VAV2: variants seen among roughly 807,000 people sequenced by gnomAD.
VAV2 encodes guanine nucleotide exchange factor VAV2.
Under a neutral mutation model 132.5 loss-of-function variants are expected in VAV2, and 67 were observed. The ratio of observed to expected loss-of-function variants is 0.51; its 90% CI spans 0.42 to 0.62. The LOEUF (loss-of-function observed/expected upper bound fraction) is 0.62. VAV2 is among the 20% of genes least tolerant of loss of function. The pLI, the probability that VAV2 is intolerant of heterozygous loss-of-function variation, is 0.00. For missense variants in VAV2, 938 were observed against 1,153.6 expected (o/e 0.81, Z 2.71); for synonymous variants, 492 against 443.5 (o/e 1.11, Z -1.37).
rs149850329 is a variant in VAV2 at position 133,880,453 on chromosome 9, G to A, written c.322-19021C>T. Among the ~76,000 whole-genome samples the A allele has an allele frequency of 2.0e-3, 311 of 152,294 alleles. 1 individual carries two copies. The highest frequency in any genetic ancestry group is 0.015 in the East Asian group (79 of 5,176). Reference sequence around the variant, plus strand: ...AGGTCAGAAAAGGCTGGATCTGACCGATGGTTTTATAAAAGATGCCTTTTA... The same window carrying A: ...AGGTCAGAAAAGGCTGGATCTGACCAATGGTTTTATAAAAGATGCCTTTTA... On this transcript the variant is annotated intron_variant, in intron 2 of 29. Transcript: ENST00000371850.
intron 2 of VAV2, among the ~76,000 whole-genome samples, chr9:133,892,512 C>A (rs1839019401): frequency 1.3e-5 from 2 of 152,024 alleles, no homozygotes; most frequent in African/African-American, 4.8e-5. Context: ...CCAAGATCAT[C>A]CCAGGGGTCA....
intron 2 of VAV2, among the ~76,000 whole-genome samples, chr9:133,907,536 C>A (rs1156264186): frequency 6.6e-6 from 1 of 152,206 alleles, no homozygotes; most frequent in African/African-American, 2.4e-5. Flanking sequence ...AGCTCCTCGG[C>A]TGACTAACTT....
chr9:133,900,052 A>C (rs1377191993), intron 2 of VAV2, among the ~76,000 whole-genome samples: 1 of 150,712 alleles, frequency 6.6e-6, no homozygotes, highest in East Asian at 1.9e-4. Context: ...AAATAAAAAT[A>C]GCTGGGCATA....
chr9:133,931,420 C>A (rs532481497), intron 2 of VAV2, among the ~76,000 whole-genome samples: 107 of 152,026 alleles, frequency 7.0e-4, no homozygotes, highest in Admixed American at 2.7e-3. Flanking sequence ...CTCCTGCAGG[C>A]AGGGAGCACC....
At position 133,768,942 on chromosome 9, in the gene VAV2, TAGAC is replaced by T. The variant is rs1444512050; in HGVS notation, c.2435-350_2435-347del. 6.6e-6 allele frequency among the ~76,000 whole-genome samples: 1 copy of T among 152,082 alleles called. No homozygotes were observed. Among genetic ancestry groups the T allele is most frequent in the East Asian group, 1.9e-4 (1 of 5,186 alleles). ...GCTTGGCCCAGATGCAGAATCCTGA[TAGAC>T]AGGTGACAATGACCATGGCTGAGGG... On this transcript the variant is annotated intron_variant, in intron 28 of 29. Transcript: ENST00000371850. This position sits in a 1 kb window ranked among gnomAD's most constrained non-coding sequence, Gnocchi z 5.3.
chr9:133,987,317 T>C (rs1588231777), intron 1 of VAV2, among the ~76,000 whole-genome samples: 1 of 151,132 alleles, frequency 6.6e-6, no homozygotes, highest in East Asian at 1.9e-4. Context: ...AGTGGAGGAG[T>C]GAGATCGAGG....
chr9:133,796,353 AC>A (rs1834712062), intron 11 of VAV2, 75 bp downstream of exon 11: 1 of 1,290,576 alleles, frequency 7.7e-7, no homozygotes, highest in Non-Finnish European at 1.1e-6. Flanking sequence ...TGCAACCTAT[AC>A]CCCCTGGAAG....
At chr9:133,774,365 C>T (rs944078533) in intron 25 of VAV2, among the ~76,000 whole-genome samples, 2 of 152,182 alleles carry the variant, frequency 1.3e-5, no homozygotes, top group African/African-American at 4.8e-5. Context: ...TTCAGGTGGG[C>T]AATGTCCCAC....
intron 2 of VAV2, among the ~76,000 whole-genome samples, chr9:133,930,309 C>T (rs1840634915): frequency 6.7e-6 from 1 of 149,338 alleles, no homozygotes; most frequent in Admixed American, 6.7e-5. Flanking sequence ...TCCTCACTCC[C>T]TCCTGGCATC....
intron 1 of VAV2, among the ~76,000 whole-genome samples, chr9:133,956,479 T>G (rs1363613929): frequency 1.3e-5 from 2 of 152,064 alleles, no homozygotes; most frequent in Admixed American, 6.5e-5. Context: ...TTTCGTTTTG[T>G]TTTTTTTCCA....
chr9:133,815,677 C>G lies in VAV2; in HGVS notation c.450-3461G>C, dbSNP rs112497133. 2.4e-3 allele frequency among the ~76,000 whole-genome samples: 368 copies of G among 152,326 alleles called. 2 individuals are homozygous for G. The highest frequency in any genetic ancestry group is 4.0e-3 in the Non-Finnish European group (274 of 68,026). Reference sequence around the variant, plus strand: ...GAGTACTAATCCACGGCATGAACAACAACGTGCTACCCATCTTCCTTCTTT... The same window carrying G: ...GAGTACTAATCCACGGCATGAACAAGAACGTGCTACCCATCTTCCTTCTTT... On this transcript the variant is annotated intron_variant, in intron 4 of 29. Transcript: ENST00000371850.
chr9:133,968,844 C>T (rs1003608298), intron 1 of VAV2, among the ~76,000 whole-genome samples: 13 of 152,288 alleles, frequency 8.5e-5, no homozygotes, highest in Admixed American at 7.8e-4. Flanking sequence ...GCTGGCTCAG[C>T]GGCTCGCGAC....
rs545246520 is a variant in VAV2, at chr9:133,793,415, C to A, written c.1102-1546G>T. Among the ~76,000 whole-genome samples the A allele has an allele frequency of 1.1e-4, 16 of 152,194 alleles. 1 individual carries two copies. Among genetic ancestry groups the A allele is most frequent in the Non-Finnish European group, 5.9e-5 (4 of 68,040 alleles). ...GACCTCACCATTGGCTCCCCACCCA[C>A]CCCGCAGGAGGGAACTTCCTGGGGA... On this transcript the variant is annotated intron_variant, in intron 12 of 29. Transcript: ENST00000371850.
intron 4 of VAV2, among the ~76,000 whole-genome samples, chr9:133,829,843 C>T (rs911674680): frequency 2.6e-5 from 4 of 152,110 alleles, no homozygotes; most frequent in South Asian, 2.1e-4. Context: ...TATTTTTTGA[C>T]GTGGCTCCGC....
intron 9 of VAV2, among the ~76,000 whole-genome samples, chr9:133,800,651 T>C (rs1834894483): frequency 1.3e-5 from 2 of 152,210 alleles, no homozygotes; most frequent in East Asian, 1.9e-4. Flanking sequence ...GCGGATAACA[T>C]GCCTGGTGCC....
intron 17 of VAV2, 150 bp downstream of exon 17, chr9:133,785,626 G>A: frequency 1.6e-6 from 1 of 637,432 alleles, no homozygotes. Flanking sequence ...GCGTCCCAGG[G>A]GTGATGGAGG....
intron 2 of VAV2, among the ~76,000 whole-genome samples, chr9:133,907,263 C>G (rs975868520): frequency 6.6e-6 from 1 of 152,238 alleles, no homozygotes; most frequent in Non-Finnish European, 1.5e-5. Flanking sequence ...AAGCCCTGCC[C>G]TGCCCAGGCC....
chr9:133,863,988 A>C lies in VAV2; in HGVS notation c.322-2556T>G, dbSNP rs1267713372. Among the ~76,000 whole-genome samples, 1 of 151,460 alleles carries C rather than the reference A, an allele frequency of 6.6e-6. No individual in the cohort carries two copies. The highest frequency in any genetic ancestry group is 2.4e-5 in the African/African-American group (1 of 41,134). ...GGGCACCTCTGGCTGTGCCCACCCC[A>C]CTCCCAGGACAGACAGAGAGCTGGG... On this transcript the variant is annotated intron_variant, in intron 2 of 29. Transcript: ENST00000371850. The surrounding 1 kb of genome is among the most constrained non-coding windows in gnomAD (Gnocchi z 5.0).
At chr9:133,801,824 AG>A (rs1163124464) in intron 9 of VAV2, among the ~76,000 whole-genome samples, 46 of 152,304 alleles carry the variant, frequency 3.0e-4, no homozygotes, top group African/African-American at 1.1e-3. Flanking sequence ...AGCCCCAGCC[AG>A]GAACACCCGG....
Sources: gnomAD v4.1 joint callset for allele counts (sites outside exome capture counted in the v4.1 genomes callset) on GRCh38, gnomAD v4.1.1 for gene constraint, Gnocchi (gnomAD v3.1) non-coding constraint, MANE v1.5 for transcripts, NCBI Gene and HGNC (gene_info 2026-07-23, HGNC 2026-07-21) for gene names.